Variants in NLGN1 observed in about 807,000 individuals in gnomAD.
The protein encoded by NLGN1 is neuroligin 1.
NLGN1 carries 12 observed loss-of-function variants against 65.5 expected under a neutral mutation model. That is an observed-to-expected ratio of 0.18 (90% CI 0.12 to 0.30). The LOEUF is 0.30. Among genes scored for constraint, NLGN1 ranks in the 10% least tolerant of loss-of-function variants. The probability of loss-of-function intolerance (pLI) is 1.00; values close to 1 mark genes in which losing one functional copy is unlikely to be tolerated. For missense variants in NLGN1, 750 were observed against 1,007.1 expected, an observed-to-expected ratio of 0.74 and a Z score of 3.46; for synonymous variants, 350 against 359.5, an observed-to-expected ratio of 0.97 and a Z score of 0.30.
At chr3:173,430,349 T>G (rs1716950592) in intron 1 of NLGN1, among the ~76,000 whole-genome samples, 1 of 152,176 alleles carries the variant, frequency 6.6e-6, no homozygotes, top group Non-Finnish European at 1.5e-5. Context: ...TAAAGCCAGA[T>G]TGCTCTTACT....
chr3:173,745,197 C>T (rs866555619), intron 3 of NLGN1, among the ~76,000 whole-genome samples: 18 of 151,948 alleles, frequency 1.2e-4, no homozygotes, highest in South Asian at 2.1e-4. Flanking sequence ...TCAGAGATGC[C>T]TTGCTTGTGA....
intron 3 of NLGN1, among the ~76,000 whole-genome samples, chr3:173,746,932 A>G (rs746937273): frequency 6.6e-6 from 1 of 151,688 alleles, no homozygotes; most frequent in Non-Finnish European, 1.5e-5. Flanking sequence ...TGCACCTTGC[A>G]TCTGTAGTCC....
intron 4 of NLGN1, among the ~76,000 whole-genome samples, chr3:174,002,855 A>G (rs1387977384): frequency 1.3e-5 from 2 of 152,228 alleles, no homozygotes; most frequent in African/African-American, 4.8e-5. Flanking sequence ...CAAGCTATTC[A>G]TTGCAAGTAG....
chr3:173,584,482 A>C (rs888986661), intron 2 of NLGN1: 8 of 149,760 alleles, frequency 5.3e-5, no homozygotes, highest in Non-Finnish European at 1.2e-4. Flanking sequence ...AAAGAAAGAA[A>C]GAAAGAAACC....
chr3:173,561,480 T>C (rs1242148187), intron 2 of NLGN1, among the ~76,000 whole-genome samples: 1 of 152,184 alleles, frequency 6.6e-6, no homozygotes, highest in African/African-American at 2.4e-5. Flanking sequence ...GTGGAGGTCA[T>C]GATGGCTGTA....
At chr3:174,179,696 G>A (rs1000353539) in intron 4 of NLGN1, among the ~76,000 whole-genome samples, 5 of 152,054 alleles carry the variant, frequency 3.3e-5, no homozygotes, top group African/African-American at 1.2e-4. Flanking sequence ...AGATAAATGG[G>A]TATTTTTGAA....
chr3:173,739,183 G>C (rs1180481932), intron 3 of NLGN1, among the ~76,000 whole-genome samples: 1 of 152,004 alleles, frequency 6.6e-6, no homozygotes. Context: ...TAGAGAATGG[G>C]ACGTGTGAAG....
intron 4 of NLGN1, among the ~76,000 whole-genome samples, chr3:173,957,096 T>A (rs976911185): frequency 6.6e-6 from 1 of 151,972 alleles, no homozygotes; most frequent in Non-Finnish European, 1.5e-5. Flanking sequence ...GCAAAAAAAT[T>A]TGGAGGGTAA....
chr3:174,142,824 A>T lies in NLGN1; in HGVS notation c.647-132491A>T, dbSNP rs531949049. ...TATATGCGTGTTCTTGCACTGCTAT[A>T]AAGAAATACCTGAGGCTGGATAATT... is the stretch of plus-strand genomic sequence containing the variant. On this transcript the variant is annotated intron_variant, in intron 4 of 6. Transcript: ENST00000457714. Among the ~76,000 whole-genome samples the T allele has an allele frequency of 4.6e-5, 7 of 152,340 alleles. No individual in the cohort carries two copies. The South Asian group carries it at 6.2e-4, about 14-fold the overall frequency.
exon 7 of NLGN1, chr3:174,285,717 G>T (rs1357541126): frequency 1.3e-5 from 2 of 151,448 alleles, no homozygotes; most frequent in African/African-American, 2.4e-5. Flanking sequence ...TTTGATAAGG[G>T]TTGTGGAGAA....
At chr3:174,286,563 T>C (rs1752142510) in exon 7 of NLGN1, 1 of 151,618 alleles carries the variant, frequency 6.6e-6, no homozygotes, top group Non-Finnish European at 1.5e-5. Context: ...TGGGTTGTCA[T>C]GATTCAGTTT....
intron 4 of NLGN1, among the ~76,000 whole-genome samples, chr3:174,209,915 A>C (rs956603606): frequency 6.6e-6 from 1 of 151,608 alleles, no homozygotes; most frequent in South Asian, 2.1e-4. Flanking sequence ...ACAGGCGTGA[A>C]CCACCGCGCC....
intron 4 of NLGN1, among the ~76,000 whole-genome samples, chr3:174,268,203 C>G (rs1033091810): frequency 1.3e-5 from 2 of 152,094 alleles, no homozygotes; most frequent in Non-Finnish European, 2.9e-5. Flanking sequence ...TCCTTTGATT[C>G]AAAAGGCCTT....
At chr3:174,182,796 A>C (rs1304679025) in intron 4 of NLGN1, among the ~76,000 whole-genome samples, 1 of 152,154 alleles carries the variant, frequency 6.6e-6, no homozygotes, top group Admixed American at 6.5e-5. Context: ...TCAGCTTATA[A>C]GATGACTCAC....
Position 173,412,309 on chromosome 3 carries a change from C to G in NLGN1, c.-390+13822C>G, listed in dbSNP as rs1036849693. On this transcript the variant is annotated intron_variant, in intron 1 of 6. Transcript: ENST00000457714. The stretch of plus-strand genomic sequence containing the variant: ...AGTGCTCAATGCATTCTCTCTCACT[C>G]TGACACACACACACACACACACACA... Among the ~76,000 whole-genome samples the G allele has an allele frequency of 1.2e-4, 15 of 121,554 alleles. No homozygotes were observed. The Admixed American group carries it at 1.3e-3, about 10-fold the overall frequency. The allele number at this position is 121,554 out of a possible 152,430, so 79.7% of individuals were successfully genotyped here. A position where few individuals can be genotyped will look rare whatever the true frequency, so the allele number is the denominator to read the frequency against.
At position 173,931,337 on chromosome 3, in the gene NLGN1, A is replaced by G. The variant is rs926089781; in HGVS notation, c.646+123505A>G. On this transcript the variant is annotated intron_variant, in intron 4 of 6. Coordinates refer to ENST00000457714, the Ensembl canonical transcript of NLGN1. ...GTGGGTGAGAAGTGCTTTGAAGAAAAAACAAAGCATAGAGGTGGCATAGTA... is the reference window on the plus strand; with the variant it reads ...GTGGGTGAGAAGTGCTTTGAAGAAAGAACAAAGCATAGAGGTGGCATAGTA... 3.9e-5 allele frequency among the ~76,000 whole-genome samples: 6 copies of G among 152,268 alleles called. No individual in the cohort carries two copies. In the South Asian group the frequency reaches 1.0e-3, roughly 26 times the overall value.
At chr3:173,883,817 T>TTC (rs1553880084) in intron 4 of NLGN1, among the ~76,000 whole-genome samples, 1 of 147,414 alleles carries the variant, frequency 6.8e-6, no homozygotes, top group African/African-American at 2.5e-5. Flanking sequence ...AAACTTTCTT[T>TTC]TTTTTTTTTT....
At chr3:174,150,776 T>G (rs1724168335) in intron 4 of NLGN1, among the ~76,000 whole-genome samples, 1 of 152,014 alleles carries the variant, frequency 6.6e-6, no homozygotes. Flanking sequence ...GGATGGAGAG[T>G]AGAAAGCCGT....
chr3:174,281,640 TAAAA>T (rs978355297), exon 7 of NLGN1: 1 of 206,070 alleles, frequency 4.9e-6, no homozygotes, highest in Admixed American at 5.3e-5. Flanking sequence ...AAAATAAAAA[TAAAA>T]AAACAACTAT....
Sources: gnomAD v4.1 joint callset for allele counts (sites outside exome capture counted in the v4.1 genomes callset) on GRCh38, gnomAD v4.1.1 for gene constraint, MANE v1.5 for transcripts, NCBI Gene and HGNC (gene_info 2026-07-23, HGNC 2026-07-21) for gene names.